Variants in GRAP2 observed in about 807,000 individuals in gnomAD.
GRAP2 encodes the protein GRB2 related adaptor protein 2, also known as GRB2-related adapter protein 2.
GRAP2 carries 31 observed loss-of-function variants against 43.5 expected under a neutral mutation model. That is an observed-to-expected ratio of 0.71 (90% CI 0.54 to 0.96). GRAP2 has a LOEUF of 0.96. Ranked by LOEUF, GRAP2 falls within the 40% of genes least tolerant of loss-of-function variation. The pLI is 0.00. For missense variants in GRAP2, 371 were observed against 424.4 expected, an observed-to-expected ratio of 0.87 and a Z score of 1.11; for synonymous variants, 156 against 164.8, an observed-to-expected ratio of 0.95 and a Z score of 0.41.
chr22:39,924,657 A>G (rs1033917503), intron 1 of GRAP2, among the ~76,000 whole-genome samples: 2 of 152,114 alleles, frequency 1.3e-5, no homozygotes, highest in African/African-American at 2.4e-5. Context: ...AGCCAAGATT[A>G]TACCACTACA....
intron 1 of GRAP2, among the ~76,000 whole-genome samples, chr22:39,914,218 T>G (rs2066587082): frequency 6.6e-6 from 1 of 152,208 alleles, no homozygotes; most frequent in Non-Finnish European, 1.5e-5. Context: ...TACACAGTTT[T>G]GTTGGTTTTT....
intron 1 of GRAP2, among the ~76,000 whole-genome samples, chr22:39,903,097 CT>C (rs1370196581): frequency 6.6e-6 from 1 of 152,124 alleles, no homozygotes; most frequent in Non-Finnish European, 1.5e-5. Context: ...AGAACTTGCC[CT>C]TTTTTCCTGG....
At chr22:39,969,916 AAAAAC>A (rs749695383) in intron 7 of GRAP2, among the ~76,000 whole-genome samples, 10 of 152,130 alleles carry the variant, frequency 6.6e-5, no homozygotes, top group Non-Finnish European at 1.0e-4. Context: ...CTCCGTCTCA[AAAAAC>A]AAAACAAAAC....
chr22:39,965,467 A>C (rs1375557538), intron 4 of GRAP2, among the ~76,000 whole-genome samples: 1 of 152,232 alleles, frequency 6.6e-6, no homozygotes, highest in Non-Finnish European at 1.5e-5. Context: ...TATTTATGCA[A>C]AACATAAACC....
intron 1 of GRAP2, among the ~76,000 whole-genome samples, chr22:39,934,728 G>C (rs777348545): frequency 2.6e-5 from 4 of 152,030 alleles, no homozygotes; most frequent in Non-Finnish European, 5.9e-5. Flanking sequence ...AACAGCAGCG[G>C]GGTGTGGGGG....
intron 1 of GRAP2, among the ~76,000 whole-genome samples, chr22:39,910,615 G>C (rs2066554740): frequency 6.6e-6 from 1 of 151,552 alleles, no homozygotes; most frequent in African/African-American, 2.4e-5. Flanking sequence ...CACCATGTTG[G>C]TCAGGCTGGT....
chr22:39,934,722 G>A (rs1312510401), intron 1 of GRAP2, among the ~76,000 whole-genome samples: 2 of 152,056 alleles, frequency 1.3e-5, no homozygotes, highest in Non-Finnish European at 2.9e-5. Flanking sequence ...TTCCCAAACA[G>A]CAGCGGGGTG....
At chr22:39,919,959 A>G (rs1489443996) in intron 1 of GRAP2, among the ~76,000 whole-genome samples, 1 of 152,218 alleles carries the variant, frequency 6.6e-6, no homozygotes, top group Non-Finnish European at 1.5e-5. Flanking sequence ...GAGGCCAGAG[A>G]GATTATACGA....
intron 1 of GRAP2, among the ~76,000 whole-genome samples, chr22:39,904,175 G>A (rs1325954730): frequency 6.6e-6 from 1 of 152,172 alleles, no homozygotes; most frequent in Non-Finnish European, 1.5e-5. Flanking sequence ...GATCATCTGA[G>A]GTCAGGAGTT....
intron 1 of GRAP2, among the ~76,000 whole-genome samples, chr22:39,906,854 G>C: frequency 6.6e-6 from 1 of 152,284 alleles, no homozygotes; most frequent in East Asian, 1.9e-4. Flanking sequence ...TAGTTCTCTT[G>C]TTAAATATGA....
intron 1 of GRAP2, among the ~76,000 whole-genome samples, chr22:39,945,973 G>C (rs185876293): frequency 2.0e-5 from 3 of 152,278 alleles, no homozygotes; most frequent in African/African-American, 4.8e-5. Context: ...CGATTATCCT[G>C]CCTCAGCCTC....
At chr22:39,894,390 G>A in the GRAP2 span, among the ~76,000 whole-genome samples, 2 of 132,444 alleles carry the variant, frequency 1.5e-5, no homozygotes, top group African/African-American at 2.8e-5. Flanking sequence ...ACACAGGAAG[G>A]GGAACATCAC....
Position 39,968,260 on chromosome 22 carries a change from C to T in GRAP2, c.678C>T (p.His226=). 1.2e-6 allele frequency: 2 copies of T among 1,613,072 alleles called. No individual in the cohort carries two copies. Among genetic ancestry groups the T allele is most frequent in the Non-Finnish European group, 1.7e-6 (2 of 1,179,144 alleles). The change falls in exon 6 of 8, where the codon CAC becomes CAT. Residue 226 remains histidine, a synonymous_variant. Transcript: ENST00000344138. ...CACAGCAGCGATATCTGCAGCACCA[C>T]CATTTCCACCAGGTATCTGGAAAGA... ...QPPQQRYLQH[H]HFHQERRGGS... is the part of the protein sequence containing the mutation.
the GRAP2 span, among the ~76,000 whole-genome samples, chr22:39,896,057 T>A: frequency 6.6e-6 from 1 of 152,232 alleles, no homozygotes; most frequent in Non-Finnish European, 1.5e-5. Flanking sequence ...AGCAACTCAG[T>A]CACAAGTGGA....
At chr22:39,921,634 C>T (rs2066653470) in intron 1 of GRAP2, among the ~76,000 whole-genome samples, 1 of 152,088 alleles carries the variant, frequency 6.6e-6, no homozygotes, top group South Asian at 2.1e-4. Context: ...AGTAAATGAT[C>T]TAGATTACTT....
chr22:39,927,088 C>T (rs2066710452), intron 1 of GRAP2, among the ~76,000 whole-genome samples: 1 of 152,184 alleles, frequency 6.6e-6, no homozygotes, highest in Non-Finnish European at 1.5e-5. Flanking sequence ...CTCCCCTCTT[C>T]TTCTCTTTTT....
intron 1 of GRAP2, among the ~76,000 whole-genome samples, chr22:39,927,114 G>C (rs978218223): frequency 5.3e-5 from 8 of 152,094 alleles, no homozygotes; most frequent in African/African-American, 1.7e-4. Flanking sequence ...GCTCACTTCT[G>C]TGAGAGCTGA....
intron 1 of GRAP2, among the ~76,000 whole-genome samples, chr22:39,907,883 C>G (rs1270393178): frequency 6.6e-6 from 1 of 152,190 alleles, no homozygotes; most frequent in African/African-American, 2.4e-5. Flanking sequence ...GGGACTTGCT[C>G]AAGGTAATTT....
chr22:39,899,159 C>T (rs553168412), upstream of GRAP2, among the ~76,000 whole-genome samples: 12 of 152,338 alleles, frequency 7.9e-5, no homozygotes, highest in African/African-American at 2.2e-4. Flanking sequence ...ACATGTCTGT[C>T]AATCAGTACT....
Sources: gnomAD v4.1 joint callset for allele counts (sites outside exome capture counted in the v4.1 genomes callset) on GRCh38, gnomAD v4.1.1 for gene constraint, MANE v1.5 for transcripts, NCBI Gene and HGNC (gene_info 2026-07-23, HGNC 2026-07-21) for gene names.